Variants in MEGF9 observed in about 807,000 individuals in gnomAD.
MEGF9 encodes the protein multiple epidermal growth factor-like domains protein 9.
MEGF9 carries 6 observed loss-of-function variants against 46.8 expected under a neutral mutation model. The observed-to-expected ratio is 0.13, with a 90% confidence interval of 0.07 to 0.25. MEGF9 has a LOEUF of 0.25. Ranked by LOEUF, MEGF9 falls within the 10% of genes least tolerant of loss-of-function variation. The pLI, the probability that MEGF9 is intolerant of heterozygous loss-of-function variation, is 1.00. For synonymous variants in MEGF9, 302 were observed against 330.7 expected, an observed-to-expected ratio of 0.91 and a Z score of 0.94; for missense variants, 683 against 792.4, an observed-to-expected ratio of 0.86 and a Z score of 1.66.
chr9:120,630,767 T>C (rs2043547012), intron 2 of MEGF9, among the ~76,000 whole-genome samples: 1 of 152,238 alleles, frequency 6.6e-6, no homozygotes, highest in Non-Finnish European at 1.5e-5. Flanking sequence ...TTAGTGATGT[T>C]GAGTACTTTT....
chr9:120,647,322 A>G (rs545697978), intron 2 of MEGF9, among the ~76,000 whole-genome samples: 2 of 152,328 alleles, frequency 1.3e-5, no homozygotes, highest in South Asian at 4.1e-4. Flanking sequence ...CAATGCACTC[A>G]GTGCCTTTTT....
chr9:120,649,296 T>C (rs1262205485), intron 2 of MEGF9, among the ~76,000 whole-genome samples: 1 of 152,248 alleles, frequency 6.6e-6, no homozygotes, highest in Non-Finnish European at 1.5e-5. Flanking sequence ...CCTCAAATAA[T>C]GTAGTTTCAG....
intron 1 of MEGF9, among the ~76,000 whole-genome samples, chr9:120,712,169 G>A (rs1357323665): frequency 6.6e-6 from 1 of 152,068 alleles, no homozygotes; most frequent in East Asian, 1.9e-4. Context: ...GAGGTGGGAG[G>A]ATCGCTTGAG....
chr9:120,620,965 C>T (rs1275892259), intron 3 of MEGF9, among the ~76,000 whole-genome samples: 1 of 152,112 alleles, frequency 6.6e-6, no homozygotes, highest in Non-Finnish European at 1.5e-5. Flanking sequence ...AAGTATTTTG[C>T]CACCCTGTTC....
At chr9:120,676,348 A>T (rs979825594) in intron 1 of MEGF9, among the ~76,000 whole-genome samples, 2 of 152,224 alleles carry the variant, frequency 1.3e-5, no homozygotes, top group African/African-American at 2.4e-5. Flanking sequence ...GTGAAATTTT[A>T]TAACTTAAAA....
At chr9:120,656,361 C>G (rs1379392744) in intron 2 of MEGF9, among the ~76,000 whole-genome samples, 1 of 151,772 alleles carries the variant, frequency 6.6e-6, no homozygotes, top group Admixed American at 6.6e-5. Flanking sequence ...TCCTGGCTAA[C>G]ACGGTGAAAC....
Position 120,605,718 on chromosome 9 carries a change from G to T in MEGF9, c.1358-77C>A. 2 of 1,032,162 alleles carry T rather than the reference G, an allele frequency of 1.9e-6. No individual in the cohort carries two copies. The highest frequency in any genetic ancestry group is 1.4e-6 in the Non-Finnish European group (1 of 713,300). The allele number at this position is 1,032,162 out of a possible 1,614,324, so 63.9% of individuals were successfully genotyped here. On this transcript the variant is annotated intron_variant, in intron 5 of 5. Transcript: ENST00000373930. The surrounding 1 kb of genome is among the most constrained non-coding windows in gnomAD (Gnocchi z 4.0). ...GAGAAACAATAAAAGAAATACGCAT[G>T]GGAGTGAATGTTGATGTAGGATGTT... is the stretch of plus-strand genomic sequence containing the variant.
intron 1 of MEGF9, among the ~76,000 whole-genome samples, chr9:120,712,555 G>A (rs1281131921): frequency 6.6e-6 from 1 of 152,308 alleles, no homozygotes; most frequent in East Asian, 1.9e-4. Flanking sequence ...CTTGAAGCTG[G>A]AAGAGATGCA....
intron 1 of MEGF9, among the ~76,000 whole-genome samples, chr9:120,700,860 G>A (rs760143167): frequency 7.3e-5 from 11 of 151,634 alleles, no homozygotes; most frequent in Non-Finnish European, 1.3e-4. Flanking sequence ...GTGGGCAGAT[G>A]GCTTGAGCCC....
At chr9:120,696,008 A>G (rs1461734419) in intron 1 of MEGF9, among the ~76,000 whole-genome samples, 1 of 152,216 alleles carries the variant, frequency 6.6e-6, no homozygotes, top group African/African-American at 2.4e-5. Flanking sequence ...CTCTGGTGGC[A>G]AACAGGGAGA....
intron 3 of MEGF9, among the ~76,000 whole-genome samples, 199 bp downstream of exon 3, chr9:120,622,417 C>CT (rs59380409): frequency 0.013 from 1,328 of 101,192 alleles, 18 homozygotes; most frequent in Non-Finnish European, 0.019. Flanking sequence ...AGGTATATGA[C>CT]TTTTTTTTTT....
chr9:120,660,729 C>T (rs541937764), intron 1 of MEGF9, among the ~76,000 whole-genome samples: 24 of 152,142 alleles, frequency 1.6e-4, no homozygotes, highest in Non-Finnish European at 3.4e-4. Flanking sequence ...AAAGTGTTTT[C>T]AACATAGTTT....
chr9:120,667,511 C>T (rs1449246160), intron 1 of MEGF9, among the ~76,000 whole-genome samples: 2 of 152,202 alleles, frequency 1.3e-5, no homozygotes, highest in Non-Finnish European at 2.9e-5. Flanking sequence ...AAAAACCCTA[C>T]TCTGTTTAAA....
At position 120,714,321 on chromosome 9, in the gene MEGF9, G is replaced by T. The variant is rs538201124; in HGVS notation, c.38C>A (p.Pro13Gln). 6 of 1,337,280 alleles carry T rather than the reference G, an allele frequency of 4.5e-6. No individual in the cohort carries two copies. In the East Asian group the frequency reaches 1.3e-4, roughly 30 times the overall value. The allele number at this position is 1,337,280 out of a possible 1,614,324, so 82.8% of individuals were successfully genotyped here. A position where few individuals can be genotyped will look rare whatever the true frequency, so the allele number is the denominator to read the frequency against. The change falls in exon 1 of 6, where the codon CCG becomes CAG. Residue 13 changes from proline (P) to glutamine (Q), a missense_variant. By Grantham distance (76) the Pro-to-Gln change is moderately conservative. Transcript: ENST00000373930. ...GGAERAMRSL[P>Q]SLGGLALLCC... ...CAACAGGGCGAGGCCGCCCAGGCTC[G>T]GCAGGCTCCTCATGGCGCGCTCGGC...
chr9:120,658,020 C>G (rs1459222670), intron 2 of MEGF9, among the ~76,000 whole-genome samples: 4 of 151,520 alleles, frequency 2.6e-5, no homozygotes, highest in Admixed American at 1.3e-4. Flanking sequence ...GAGTCTCCCT[C>G]TCTCACCAGG....
Position 120,659,479 on chromosome 9 carries a change from A to G in MEGF9, c.698T>C (p.Leu233Pro). The change falls in exon 2 of 6, where the codon CTT becomes CCT. Residue 233 changes from leucine (L) to proline (P), a missense_variant. Physicochemically the swap from Leu to Pro is moderately conservative, Grantham distance 98 (BLOSUM62 -3). Coordinates refer to ENST00000373930, the MANE Select transcript of MEGF9 (RefSeq NM_001080497.3). ...QCECRPGYQG[L>P]HCETCKEGFY... ...GCCCTCTTTGCAGGTTTCACAGTGAAGCCCCTGATAACCTGGCCGACACTC... is the reference window on the plus strand; with the variant it reads ...GCCCTCTTTGCAGGTTTCACAGTGAGGCCCCTGATAACCTGGCCGACACTC... 4 of 1,613,816 alleles carry G rather than the reference A, an allele frequency of 2.5e-6. No homozygotes were observed. The highest frequency in any genetic ancestry group is 3.4e-6 in the Non-Finnish European group (4 of 1,179,834).
intron 2 of MEGF9, among the ~76,000 whole-genome samples, chr9:120,628,281 T>C (rs1295224020): frequency 1.3e-5 from 2 of 152,140 alleles, no homozygotes; most frequent in African/African-American, 4.8e-5. Context: ...AATTTAGTGT[T>C]CCTCTGTCTT....
chr9:120,672,779 T>C (rs1004072309), intron 1 of MEGF9, among the ~76,000 whole-genome samples: 1 of 152,176 alleles, frequency 6.6e-6, no homozygotes, highest in East Asian at 1.9e-4. Flanking sequence ...ATCCCAGCAC[T>C]TTGAGAGGCC....
At chr9:120,682,112 T>C (rs1317414958) in intron 1 of MEGF9, among the ~76,000 whole-genome samples, 1 of 152,208 alleles carries the variant, frequency 6.6e-6, no homozygotes, top group East Asian at 1.9e-4. Context: ...AGCAATCTGT[T>C]TGGCAAAGTA....
Sources: gnomAD v4.1 joint callset for allele counts (sites outside exome capture counted in the v4.1 genomes callset) on GRCh38, gnomAD v4.1.1 for gene constraint, Gnocchi (gnomAD v3.1) non-coding constraint, MANE v1.5 for transcripts, NCBI Gene and HGNC (gene_info 2026-07-23, HGNC 2026-07-21) for gene names.